Variants in KCNIP4 observed in about 807,000 individuals in gnomAD.
The protein encoded by KCNIP4 is Kv channel-interacting protein 4.
KCNIP4 carries 12 observed loss-of-function variants against 34.0 expected under a neutral mutation model. The observed-to-expected ratio is 0.35, with a 90% CI of 0.23 to 0.57. The LOEUF is 0.57. Among genes scored for constraint, KCNIP4 ranks in the 20% least tolerant of loss-of-function variants. The probability of loss-of-function intolerance (pLI) is 0.83; values close to 1 mark genes in which losing one functional copy is unlikely to be tolerated. For missense variants in KCNIP4, 238 were observed against 311.7 expected (o/e 0.76, Z 1.78); for synonymous variants, 124 against 102.2 (o/e 1.21, Z -1.29).
intron 1 of KCNIP4, among the ~76,000 whole-genome samples, chr4:21,173,384 C>A (rs1329227618): frequency 2.6e-5 from 4 of 152,054 alleles, no homozygotes; most frequent in Admixed American, 1.3e-4. Flanking sequence ...GAAGACTGAG[C>A]ATATAGAGGC....
chr4:21,809,902 T>C (rs1721521498), intron 1 of KCNIP4, among the ~76,000 whole-genome samples: 1 of 152,200 alleles, frequency 6.6e-6, no homozygotes, highest in African/African-American at 2.4e-5. Context: ...TGTTTAGAAC[T>C]GACATCCTAG....
intron 1 of KCNIP4, among the ~76,000 whole-genome samples, chr4:21,629,849 C>CTTTT (rs5856652): frequency 0.14 from 12,613 of 87,440 alleles, 1,908 homozygotes; most frequent in African/African-American, 0.26. Flanking sequence ...CTTTTTCTTT[C>CTTTT]TTTTTTTTTT....
intron 1 of KCNIP4, among the ~76,000 whole-genome samples, chr4:20,968,794 G>T (rs1280388834): frequency 6.7e-6 from 1 of 150,160 alleles, no homozygotes; most frequent in Non-Finnish European, 1.5e-5. Flanking sequence ...GGGGGCTGGG[G>T]GAGGGATAGT....
chr4:20,885,092 C>T (rs1352148850), intron 1 of KCNIP4, among the ~76,000 whole-genome samples: 1 of 152,084 alleles, frequency 6.6e-6, no homozygotes, highest in Non-Finnish European at 1.5e-5. Flanking sequence ...AGAAAGACCT[C>T]CTCCCTCCCC....
chr4:21,155,580 C>T (rs1010878138), intron 1 of KCNIP4, among the ~76,000 whole-genome samples: 2 of 152,102 alleles, frequency 1.3e-5, no homozygotes, highest in East Asian at 3.9e-4. Context: ...AGCTATTGGA[C>T]GTTCTTAATC....
intron 1 of KCNIP4, among the ~76,000 whole-genome samples, chr4:21,364,760 G>A (rs1161638558): frequency 6.6e-6 from 1 of 152,086 alleles, no homozygotes; most frequent in African/African-American, 2.4e-5. Flanking sequence ...TAACTGTAGT[G>A]AAAGATAACA....
At chr4:21,270,724 C>T (rs752892244) in intron 1 of KCNIP4, among the ~76,000 whole-genome samples, 4 of 152,036 alleles carry the variant, frequency 2.6e-5, no homozygotes, top group South Asian at 2.1e-4. Flanking sequence ...CGGTGGCTCA[C>T]ACCTGTAATC....
chr4:21,475,878 C>A (rs7655250), intron 1 of KCNIP4, among the ~76,000 whole-genome samples: 29,270 of 151,952 alleles, frequency 0.19, 3,363 homozygotes, highest in African/African-American at 0.32. Context: ...TTTTAATTTC[C>A]GCAAACCTCA....
At chr4:21,638,319 C>T (rs1270542946) in intron 1 of KCNIP4, among the ~76,000 whole-genome samples, 1 of 152,166 alleles carries the variant, frequency 6.6e-6, no homozygotes, top group Non-Finnish European at 1.5e-5. Flanking sequence ...CTTCTGAATT[C>T]TGGTCTGTTT....
intron 1 of KCNIP4, among the ~76,000 whole-genome samples, chr4:21,564,200 T>G (rs1039936679): frequency 3.3e-5 from 5 of 152,160 alleles, no homozygotes; most frequent in Non-Finnish European, 5.9e-5. Flanking sequence ...ACTTAAAACA[T>G]TTTTCCATTG....
chr4:21,786,995 G>A (rs1719959050), intron 1 of KCNIP4, among the ~76,000 whole-genome samples: 1 of 152,078 alleles, frequency 6.6e-6, no homozygotes, highest in Non-Finnish European at 1.5e-5. Flanking sequence ...GTGATAAAAC[G>A]AGATAAATAT....
chr4:21,157,330 C>T (rs776171011), intron 1 of KCNIP4, among the ~76,000 whole-genome samples: 17 of 130,980 alleles, frequency 1.3e-4, no homozygotes, highest in Non-Finnish European at 2.4e-4. Context: ...CACCTATTTG[C>T]ATTCAATGTA....
chr4:21,079,788 A>T (rs1454097128), intron 1 of KCNIP4, among the ~76,000 whole-genome samples: 2 of 151,762 alleles, frequency 1.3e-5, no homozygotes, highest in Non-Finnish European at 2.9e-5. Flanking sequence ...GAGGCAGGAG[A>T]GTCAGAGTCC....
intron 1 of KCNIP4, among the ~76,000 whole-genome samples, chr4:21,628,182 C>T (rs942094853): frequency 6.6e-6 from 1 of 152,098 alleles, no homozygotes; most frequent in Non-Finnish European, 1.5e-5. Flanking sequence ...GATATTTCCC[C>T]AATGGATATT....
At chr4:21,452,953 C>T (rs952031625) in intron 1 of KCNIP4, among the ~76,000 whole-genome samples, 1 of 152,060 alleles carries the variant, frequency 6.6e-6, no homozygotes, top group South Asian at 2.1e-4. Flanking sequence ...TGCATATATA[C>T]TTATTCAAGA....
At chr4:20,804,284 C>G (rs1450056044) in intron 3 of KCNIP4, among the ~76,000 whole-genome samples, 1 of 152,024 alleles carries the variant, frequency 6.6e-6, no homozygotes, top group Non-Finnish European at 1.5e-5. Context: ...AAATTTGAAC[C>G]CAATTTCTTG....
At chr4:20,878,416 C>T (rs1481916781) in intron 2 of KCNIP4, among the ~76,000 whole-genome samples, 1 of 152,168 alleles carries the variant, frequency 6.6e-6, no homozygotes, top group East Asian at 1.9e-4. Context: ...ACTTAAAAGA[C>T]ATCTTGTCAA....
chr4:21,465,747 G>GAC (rs1729870491), intron 1 of KCNIP4, among the ~76,000 whole-genome samples: 1 of 152,182 alleles, frequency 6.6e-6, no homozygotes, highest in South Asian at 2.1e-4. Flanking sequence ...TAAGGTACCT[G>GAC]ACACATAGTG....
chr4:21,092,871 A>G (rs1747122871), intron 1 of KCNIP4, among the ~76,000 whole-genome samples: 1 of 152,234 alleles, frequency 6.6e-6, no homozygotes. Flanking sequence ...GAATAGTACT[A>G]CTACAGACAG....
Sources: allele counts gnomAD v4.1 joint callset (sites outside exome capture counted in the v4.1 genomes callset), GRCh38; gene constraint gnomAD v4.1.1; transcripts MANE v1.5; gene names NCBI Gene and HGNC (gene_info 2026-07-23, HGNC 2026-07-21).